Variants in TASP1 observed in about 807,000 individuals in gnomAD.
TASP1 encodes threonine aspartase 1.
In TASP1, 16 loss-of-function variants were observed where a neutral mutation model predicts 56.6. The observed-to-expected ratio is 0.28, with a 90% confidence interval of 0.19 to 0.43. The LOEUF (loss-of-function observed/expected upper bound fraction) is 0.43. Among genes scored for constraint, TASP1 ranks in the 20% least tolerant of loss-of-function variants. The pLI is 1.00. For missense variants in TASP1, 393 were observed against 511.6 expected (o/e 0.77, Z 2.24); for synonymous variants, 179 against 184.2 (o/e 0.97, Z 0.23).
the TASP1 span, among the ~76,000 whole-genome samples, chr20:13,246,241 T>G: frequency 6.6e-6 from 1 of 151,396 alleles, no homozygotes; most frequent in Non-Finnish European, 1.5e-5. Context: ...CCACTGCACT[T>G]TAGCCTGGGC....
the TASP1 span, among the ~76,000 whole-genome samples, chr20:13,238,423 G>A: frequency 6.6e-6 from 1 of 152,264 alleles, no homozygotes; most frequent in South Asian, 2.1e-4. Flanking sequence ...CTTATTTGGA[G>A]CTGCCCTTCA....
chr20:13,133,585 T>C, the TASP1 span, among the ~76,000 whole-genome samples: 1 of 151,924 alleles, frequency 6.6e-6, no homozygotes, highest in Non-Finnish European at 1.5e-5. Flanking sequence ...AATACAAAAA[T>C]TAGCTGGGCA....
chr20:13,608,763 C>T (rs1183499446), intron 4 of TASP1, among the ~76,000 whole-genome samples: 1 of 152,226 alleles, frequency 6.6e-6, no homozygotes, highest in Non-Finnish European at 1.5e-5. Context: ...CATAGTTGGC[C>T]AATCCTTGAT....
At chr20:13,395,280 T>C (rs2041481415) in intron 13 of TASP1, among the ~76,000 whole-genome samples, 1 of 152,182 alleles carries the variant, frequency 6.6e-6, no homozygotes, top group South Asian at 2.1e-4. Context: ...GTAAAGTTGT[T>C]TGCATGGGCA....
chr20:13,121,485 G>C, the TASP1 span, among the ~76,000 whole-genome samples: 2 of 152,164 alleles, frequency 1.3e-5, no homozygotes, highest in Non-Finnish European at 2.9e-5. Flanking sequence ...CTCCCAAAAG[G>C]CCACCCTTGC....
chr20:13,128,348 G>A, the TASP1 span, among the ~76,000 whole-genome samples: 1 of 152,156 alleles, frequency 6.6e-6, no homozygotes, highest in Non-Finnish European at 1.5e-5. Context: ...AATAAACCCT[G>A]TAGATCTCAG....
chr20:13,469,903 G>A (rs1461963454), intron 11 of TASP1, among the ~76,000 whole-genome samples: 4 of 136,932 alleles, frequency 2.9e-5, no homozygotes, highest in Non-Finnish European at 6.1e-5. Flanking sequence ...CTGCTTCCTG[G>A]GTTCAAGCTG....
the TASP1 span, among the ~76,000 whole-genome samples, chr20:13,369,383 T>C: frequency 2.8e-4 from 43 of 152,206 alleles, no homozygotes; most frequent in Middle Eastern, 3.4e-3. Flanking sequence ...GAGGTGGAGG[T>C]TGCAGTGAGC....
At chr20:13,359,424 C>T in the TASP1 span, among the ~76,000 whole-genome samples, 1 of 151,938 alleles carries the variant, frequency 6.6e-6, no homozygotes. Context: ...CTCGGCTTAG[C>T]AGCTGAAGAC....
the TASP1 span, among the ~76,000 whole-genome samples, chr20:13,216,360 CT>C: frequency 6.6e-6 from 1 of 152,160 alleles, no homozygotes; most frequent in African/African-American, 2.4e-5. Flanking sequence ...TATACAGCCT[CT>C]AAAACAAGGT....
At chr20:13,484,104 G>A (rs1453804768) in intron 10 of TASP1, among the ~76,000 whole-genome samples, 1 of 152,148 alleles carries the variant, frequency 6.6e-6, no homozygotes, top group Non-Finnish European at 1.5e-5. Context: ...AAACCACAAT[G>A]AGATACCATC....
chr20:13,537,475 T>C (rs1252395631), intron 8 of TASP1, among the ~76,000 whole-genome samples: 1 of 152,154 alleles, frequency 6.6e-6, no homozygotes, highest in African/African-American at 2.4e-5. Flanking sequence ...AACATTGGTA[T>C]TTTGGCCATA....
chr20:13,436,629 C>T lies in TASP1; in HGVS notation c.986-1475G>A, dbSNP rs1389478522. Among the ~76,000 whole-genome samples the T allele has an allele frequency of 3.3e-5, 5 of 152,230 alleles. No homozygotes were observed. The East Asian group carries it at 9.7e-4, about 29-fold the overall frequency. On this transcript the variant is annotated intron_variant, in intron 11 of 13. Coordinates refer to ENST00000337743, the MANE Select transcript of TASP1 (RefSeq NM_017714.3). ...TTAGCCCAGGGCAGGAAAGAGGCTA[C>T]ACACTGAAAACAGGGAGCTGAGGTG...
the TASP1 span, chr20:13,117,501 C>T: frequency 6.4e-7 from 1 of 1,574,620 alleles, no homozygotes; most frequent in Non-Finnish European, 8.6e-7. Context: ...CTCCTTCTGC[C>T]CTAGCATGGA....
chr20:13,413,563 A>G (rs1400436135), intron 13 of TASP1, among the ~76,000 whole-genome samples: 1 of 152,180 alleles, frequency 6.6e-6, no homozygotes, highest in Non-Finnish European at 1.5e-5. Flanking sequence ...CAGGAATTCA[A>G]AATGAGAAAA....
chr20:13,454,215 G>T (rs1200714331), intron 11 of TASP1, among the ~76,000 whole-genome samples: 1 of 152,110 alleles, frequency 6.6e-6, no homozygotes, highest in African/African-American at 2.4e-5. Context: ...ATAAGACAGT[G>T]AATTTATATC....
the TASP1 span, among the ~76,000 whole-genome samples, chr20:13,176,359 T>C: frequency 2.6e-5 from 4 of 152,216 alleles, no homozygotes; most frequent in African/African-American, 9.6e-5. Context: ...GGATTTGTCA[T>C]ATGTGGCCTT....
the TASP1 span, chr20:13,288,517 C>A: frequency 6.2e-7 from 1 of 1,610,522 alleles, no homozygotes; most frequent in Non-Finnish European, 8.5e-7. Flanking sequence ...AAGTTGATGA[C>A]CATCTCCCTG....
the TASP1 span, chr20:13,117,586 C>T: frequency 2.5e-6 from 4 of 1,613,832 alleles, no homozygotes; most frequent in African/African-American, 5.3e-5. Context: ...ATAGATGAAG[C>T]TCACAGTATT....
Sources: gnomAD v4.1 joint callset for allele counts (sites outside exome capture counted in the v4.1 genomes callset) on GRCh38, gnomAD v4.1.1 for gene constraint, MANE v1.5 for transcripts, NCBI Gene and HGNC (gene_info 2026-07-23, HGNC 2026-07-21) for gene names.